LRRC4C: variants seen among roughly 807,000 people sequenced by gnomAD.
The protein encoded by LRRC4C is leucine rich repeat containing 4C, also known as leucine-rich repeat-containing protein 4C.
A neutral mutation model predicts 33.6 loss-of-function variants in LRRC4C; 5 were observed. The observed-to-expected ratio is 0.15, with a 90% confidence interval of 0.08 to 0.31. LRRC4C has a LOEUF of 0.31. LRRC4C is among the 10% of genes least tolerant of loss of function. The pLI is 1.00. For missense variants in LRRC4C, 560 were observed against 796.7 expected (o/e 0.70, Z 3.58); for synonymous variants, 329 against 302.0 (o/e 1.09, Z -0.93).
At chr11:40,435,309 A>G (rs534188636) in intron 3 of LRRC4C, among the ~76,000 whole-genome samples, 2 of 152,194 alleles carry the variant, frequency 1.3e-5, no homozygotes, top group South Asian at 4.1e-4. Flanking sequence ...TTAAACTGTT[A>G]TAGCGCCAAA....
intron 2 of LRRC4C, among the ~76,000 whole-genome samples, chr11:40,831,749 A>G (rs2135550201): frequency 6.6e-6 from 1 of 152,182 alleles, no homozygotes; most frequent in Non-Finnish European, 1.5e-5. Context: ...GCAAGAGAGC[A>G]TGTGCAGGGG....
At chr11:40,127,603 T>C (rs11035703) in intron 6 of LRRC4C, among the ~76,000 whole-genome samples, 1 of 152,188 alleles carries the variant, frequency 6.6e-6, no homozygotes, top group African/African-American at 2.4e-5. Flanking sequence ...TTTCTGCTCT[T>C]GTCCCTAAAG....
intron 3 of LRRC4C, among the ~76,000 whole-genome samples, chr11:40,467,360 C>T (rs1426842585): frequency 2.6e-5 from 4 of 151,996 alleles, no homozygotes; most frequent in Admixed American, 2.6e-4. Context: ...TAGAGAATTG[C>T]CGTATCAATT....
chr11:40,453,692 C>G (rs1345500818), intron 3 of LRRC4C, among the ~76,000 whole-genome samples: 1 of 150,364 alleles, frequency 6.7e-6, no homozygotes, highest in Non-Finnish European at 1.5e-5. Flanking sequence ...ACTAGCAAAC[C>G]AAATCCAGGA....
At chr11:41,349,112 C>T (rs1384002528) in intron 1 of LRRC4C, among the ~76,000 whole-genome samples, 1 of 152,172 alleles carries the variant, frequency 6.6e-6, no homozygotes, top group African/African-American at 2.4e-5. Flanking sequence ...CAGCTTTTCC[C>T]AGCATCCCTG....
chr11:40,758,645 G>T (rs1326858262), intron 2 of LRRC4C, among the ~76,000 whole-genome samples: 1 of 151,940 alleles, frequency 6.6e-6, no homozygotes, highest in Non-Finnish European at 1.5e-5. Context: ...GGATCTCTAA[G>T]ACTCTAGAAA....
chr11:40,874,965 A>T (rs998710562), intron 2 of LRRC4C, among the ~76,000 whole-genome samples: 1 of 152,184 alleles, frequency 6.6e-6, no homozygotes, highest in Admixed American at 6.6e-5. Context: ...TAACAATGAG[A>T]AGTCATTTGA....
rs1855271872 is a variant in LRRC4C at position 40,114,537 on chromosome 11, G to A, written c.1756C>T (p.Pro586Ser). Residue 586 changes from proline to serine, a missense_variant, in exon 7 of 7, where the codon CCC (proline) becomes TCC (serine). By Grantham distance (74) the Pro-to-Ser change is moderately conservative (BLOSUM62 -1). Around this residue, in one of 3 missense-constraint regions of LRRC4C, gnomAD observed 103 missense variants for 132.1 expected, o/e 0.78. Coordinates refer to ENST00000528697, the MANE Select transcript of LRRC4C (RefSeq NM_001258419.2). Reference protein sequence around the residue: ...TGDTPMESHLPMPAIEHEHLN... With the variant: ...TGDTPMESHLSMPAIEHEHLN... Reference sequence around the variant, plus strand: ...TGCTCATGCTCGATAGCAGGCATGGGCAGGTGGCTTTCCATGGGTGTGTCT... The same window carrying A: ...TGCTCATGCTCGATAGCAGGCATGGACAGGTGGCTTTCCATGGGTGTGTCT... The A allele has an allele frequency of 6.2e-7, 1 of 1,613,992 alleles. No homozygotes were observed. The highest frequency in any genetic ancestry group is 8.5e-7 in the Non-Finnish European group (1 of 1,180,018).
intron 2 of LRRC4C, among the ~76,000 whole-genome samples, chr11:40,729,631 T>C (rs976588770): frequency 6.6e-6 from 1 of 152,156 alleles, no homozygotes; most frequent in Non-Finnish European, 1.5e-5. Flanking sequence ...ACGTTCTTTC[T>C]TACATGTTAT....
intron 3 of LRRC4C, among the ~76,000 whole-genome samples, chr11:40,639,016 T>G (rs1046913675): frequency 1.1e-4 from 17 of 152,102 alleles, no homozygotes; most frequent in Non-Finnish European, 2.1e-4. Context: ...TTAAAGAGAT[T>G]TCTTTTTCAA....
intron 1 of LRRC4C, among the ~76,000 whole-genome samples, chr11:41,066,490 A>C (rs974537252): frequency 6.6e-6 from 1 of 152,192 alleles, no homozygotes; most frequent in Admixed American, 6.5e-5. Flanking sequence ...TGAAAAACAC[A>C]CTTGAGGATA....
At chr11:40,232,446 C>T (rs527868455) in intron 5 of LRRC4C, among the ~76,000 whole-genome samples, 1 of 152,312 alleles carries the variant, frequency 6.6e-6, no homozygotes, top group African/African-American at 2.4e-5. Context: ...GCATTTCCTA[C>T]TGCCAATAAA....
At chr11:40,294,650 A>C (rs1361959498) in intron 4 of LRRC4C, among the ~76,000 whole-genome samples, 1 of 151,990 alleles carries the variant, frequency 6.6e-6, no homozygotes, top group Non-Finnish European at 1.5e-5. Flanking sequence ...AACATTGTGA[A>C]ACCCCGTCCC....
chr11:41,379,060 C>T (rs1953047673), intron 1 of LRRC4C, among the ~76,000 whole-genome samples: 1 of 151,792 alleles, frequency 6.6e-6, no homozygotes, highest in Non-Finnish European at 1.5e-5. Flanking sequence ...CATATAAACT[C>T]ACACATACTT....
intron 1 of LRRC4C, among the ~76,000 whole-genome samples, chr11:41,090,067 T>C (rs927053555): frequency 1.3e-5 from 2 of 152,108 alleles, no homozygotes; most frequent in Non-Finnish European, 2.9e-5. Context: ...GCTATTTTAC[T>C]ATATTTAGGG....
intron 2 of LRRC4C, among the ~76,000 whole-genome samples, chr11:40,775,024 A>G (rs1255854895): frequency 1.3e-5 from 2 of 151,914 alleles, no homozygotes; most frequent in African/African-American, 2.4e-5. Context: ...ACATATAATA[A>G]AAATAAATAA....
At chr11:41,226,965 T>C (rs7117457) in intron 1 of LRRC4C, among the ~76,000 whole-genome samples, 1,628 of 152,114 alleles carry the variant, frequency 0.011, 30 homozygotes, top group African/African-American at 0.036. Flanking sequence ...TTGTCCTTCC[T>C]TCCTTTCAAC....
intron 2 of LRRC4C, among the ~76,000 whole-genome samples, chr11:40,873,401 G>GTGTGCCGTCAGAAA (rs1179712032): frequency 2.0e-5 from 3 of 152,078 alleles, no homozygotes; most frequent in Admixed American, 6.6e-5. Flanking sequence ...AGCCTCTCAG[G>GTGTGCCGTCAGAAA]TGTGCCGTCA....
chr11:41,051,741 A>G (rs2138135791), intron 1 of LRRC4C, among the ~76,000 whole-genome samples: 1 of 151,964 alleles, frequency 6.6e-6, no homozygotes, highest in Admixed American at 6.6e-5. Context: ...CTGGGCCTCT[A>G]TGTTAAATTC....
Sources: allele counts gnomAD v4.1 joint callset (sites outside exome capture counted in the v4.1 genomes callset), GRCh38; gene constraint gnomAD v4.1.1; regional missense constraint gnomAD v4.1.1; transcripts MANE v1.5; gene names NCBI Gene and HGNC (gene_info 2026-07-23, HGNC 2026-07-21).